Variants in WNK2 observed in about 807,000 individuals in gnomAD.
WNK2 encodes the protein WNK lysine deficient protein kinase 2.
WNK2 carries 67 observed loss-of-function variants against 192.1 expected under a neutral mutation model. The ratio of observed to expected loss-of-function variants is 0.35; its 90% CI spans 0.29 to 0.43. WNK2 has a LOEUF of 0.43. WNK2 is among the 20% of genes least tolerant of loss of function. WNK2 has a pLI of 1.00. For synonymous variants in WNK2, 1,439 were observed against 1,393.9 expected (o/e 1.03, Z -0.72); for missense variants, 2,698 against 3,089.7 (o/e 0.87, Z 3.01).
rs976175425 is a variant in WNK2 at position 93,239,145 on chromosome 9, C to T, written c.1323-612C>T. Among the ~76,000 whole-genome samples the T allele has an allele frequency of 1.3e-5, 2 of 152,234 alleles. No individual in the cohort carries two copies. Among genetic ancestry groups the T allele is most frequent in the Admixed American group, 6.5e-5 (1 of 15,284 alleles). On this transcript the variant is annotated intron_variant, in intron 6 of 29. Coordinates refer to ENST00000427277, the MANE Select transcript of WNK2 (RefSeq NM_006648.4). This position sits in a 1 kb window ranked among gnomAD's most constrained non-coding sequence, Gnocchi z 4.2. The stretch of plus-strand genomic sequence containing the variant: ...AGCCCCGAAGTGGTCACCATGGCAA[C>T]ACCCTGTGGCCCGCCCTCCCGGATC...
In WNK2 at chr9:93,292,321, C is replaced by T; in HGVS notation, c.4950C>T (p.Pro1650=). 1 of 1,613,918 alleles carries T rather than the reference C, an allele frequency of 6.2e-7. No individual in the cohort carries two copies. The highest frequency in any genetic ancestry group is 8.5e-7 in the Non-Finnish European group (1 of 1,179,886). Reference sequence around the variant, plus strand: ...ATGTTCCCATAGCAGAGTCGTCTCCCAGGAGTATGCTAGGCTATGACAGAG... The same window carrying T: ...ATGTTCCCATAGCAGAGTCGTCTCCTAGGAGTATGCTAGGCTATGACAGAG... ...TSSSMTAESS[P]RSMLGYDRDG... The change falls in exon 22 of 30, where the codon CCC becomes CCT. Residue 1650 remains proline (P), a synonymous_variant. Transcript: ENST00000427277.
At position 93,238,456 on chromosome 9, in the gene WNK2, G is replaced by A. The variant is rs558134589; in HGVS notation, c.1322+135G>A. On this transcript the variant is annotated intron_variant, in intron 6 of 29. Coordinates refer to ENST00000427277, the MANE Select transcript of WNK2 (RefSeq NM_006648.4). ...AGGCCAGGGTGTCTGGGGCACGTTAGCAGGGGCTGGTGAGCATGTCGGCCC... is the reference window on the plus strand; with the variant it reads ...AGGCCAGGGTGTCTGGGGCACGTTAACAGGGGCTGGTGAGCATGTCGGCCC... The A allele has an allele frequency of 5.8e-5, 47 of 808,700 alleles. 1 individual carries two copies. In the South Asian group the frequency reaches 7.2e-4, roughly 12 times the overall value. The allele number at this position is 808,700 out of a possible 1,614,324, so 50.1% of individuals were successfully genotyped here. A position where few individuals can be genotyped will look rare whatever the true frequency, so the allele number is the denominator to read the frequency against.
At chr9:93,251,531 G>A (rs1023211743) in intron 8 of WNK2, among the ~76,000 whole-genome samples, 5 of 152,260 alleles carry the variant, frequency 3.3e-5, no homozygotes, top group South Asian at 4.2e-4. Flanking sequence ...GCAACGTGGC[G>A]AAACCTCATC....
intron 2 of WNK2, among the ~76,000 whole-genome samples, chr9:93,218,668 G>A (rs569912342): frequency 2.6e-4 from 40 of 152,304 alleles, no homozygotes; most frequent in South Asian, 8.3e-4. Flanking sequence ...TAACATCAGT[G>A]TTCCCTTGAG....
At position 93,301,126 on chromosome 9, in the gene WNK2, TG is replaced by T. The variant is rs1313373334; in HGVS notation, c.6214+981del. Among the ~76,000 whole-genome samples, 3 of 152,362 alleles carry T rather than the reference TG, an allele frequency of 2.0e-5. No homozygotes were observed. In the East Asian group the frequency reaches 5.8e-4, roughly 29 times the overall value. Reference sequence around the variant, plus strand: ...ATCTCCAGGGAAGGCTCTGCCTGCTTGGGGCCATCCCAAAGCACGCAGTTTG... The same window carrying T: ...ATCTCCAGGGAAGGCTCTGCCTGCTTGGGCCATCCCAAAGCACGCAGTTTG... On this transcript the variant is annotated intron_variant, in intron 26 of 29. Transcript: ENST00000427277.
intron 28 of WNK2, chr9:93,315,904 A>ATG (rs1235596103): frequency 6.8e-6 from 1 of 147,794 alleles, no homozygotes; most frequent in Non-Finnish European, 1.5e-5. Flanking sequence ...AAAAATTTTA[A>ATG]TTTTTTTTTT....
At chr9:93,237,777 G>A (rs377224407) in intron 5 of WNK2, among the ~76,000 whole-genome samples, 1 of 152,278 alleles carries the variant, frequency 6.6e-6, no homozygotes, top group African/African-American at 2.4e-5. Flanking sequence ...CGGCCCTGTG[G>A]CATTGACAAT....
In WNK2 at chr9:93,290,818, G is replaced by A. The variant is rs1849233912; in HGVS notation, c.4936+771G>A. Reference sequence around the variant, plus strand: ...GGCTCTTGGCTGCCACTGCGTCTCTGTGGAAACACCTTTGCTTTGCTTCTC... The same window carrying A: ...GGCTCTTGGCTGCCACTGCGTCTCTATGGAAACACCTTTGCTTTGCTTCTC... On this transcript the variant is annotated intron_variant, in intron 21 of 29. Coordinates refer to ENST00000427277, the MANE Select transcript of WNK2 (RefSeq NM_006648.4). Among the ~76,000 whole-genome samples, 7 of 152,236 alleles carry A rather than the reference G, an allele frequency of 4.6e-5. No individual in the cohort carries two copies. The South Asian group carries it at 1.4e-3, about 32-fold the overall frequency.
At position 93,240,445 on chromosome 9, in the gene WNK2, G is replaced by T. The variant is rs574026553; in HGVS notation, c.1542+469G>T. On this transcript the variant is annotated intron_variant, in intron 7 of 29. Transcript: ENST00000427277. ...CTTTTCCACCTAGAAAGGCGGGTTG[G>T]GGGTACCTTTCCGCCTCTTCTCTTC... is the stretch of plus-strand genomic sequence containing the variant. 7.9e-5 allele frequency among the ~76,000 whole-genome samples: 12 copies of T among 152,286 alleles called. No individual in the cohort carries two copies. The South Asian group carries it at 1.7e-3, about 21-fold the overall frequency.
chr9:93,231,787 C>T (rs575882631), intron 4 of WNK2, among the ~76,000 whole-genome samples: 1 of 152,322 alleles, frequency 6.6e-6, no homozygotes, highest in East Asian at 1.9e-4. Context: ...GGCGAGATGC[C>T]GTCGCCCCTA....
rs1848976565 is a variant in WNK2 at position 93,289,477 on chromosome 9, C to A, written c.4723C>A (p.Pro1575Thr). The change falls in exon 20 of 30, where the codon CCT becomes ACT. Residue 1575 changes from proline to threonine, a missense_variant. Coordinates refer to ENST00000427277, the MANE Select transcript of WNK2 (RefSeq NM_006648.4). ...VPTSSASAGTPVEVGDRDFTL... is the reference protein window; with the variant it reads ...VPTSSASAGTTVEVGDRDFTL... ...CACCTCCTCAGCCTCAGCTGGGACC[C>A]CTGTGGAGGTGGGCGACAGAGACTT... 1 of 1,611,446 alleles carries A rather than the reference C, an allele frequency of 6.2e-7. No homozygotes were observed. The highest frequency in any genetic ancestry group is 1.3e-5 in the African/African-American group (1 of 75,038).
intron 2 of WNK2, among the ~76,000 whole-genome samples, chr9:93,222,982 G>A (rs186963373): frequency 1.9e-4 from 29 of 152,282 alleles, no homozygotes; most frequent in Non-Finnish European, 3.2e-4. Flanking sequence ...GTGCCCAGCC[G>A]TGATGTTCTT....
chr9:93,187,693 G>A (rs1477548001), intron 2 of WNK2, among the ~76,000 whole-genome samples: 1 of 152,198 alleles, frequency 6.6e-6, no homozygotes, highest in Non-Finnish European at 1.5e-5. Context: ...GGCATTGTGG[G>A]ATCAGGGGAG....
At chr9:93,275,193 C>CTAAA (rs1260488420) in intron 19 of WNK2, among the ~76,000 whole-genome samples, 1 of 152,184 alleles carries the variant, frequency 6.6e-6, no homozygotes, top group African/African-American at 2.4e-5. Context: ...AATCAGTTGA[C>CTAAA]TAAATACAAC....
In WNK2 at chr9:93,289,332, G is replaced by A; in HGVS notation, c.4578G>A (p.Gln1526=). 6.2e-7 allele frequency: 1 copy of A among 1,604,010 alleles called. No individual in the cohort carries two copies. Among genetic ancestry groups the A allele is most frequent in the Non-Finnish European group, 8.5e-7 (1 of 1,175,646 alleles). The change falls in exon 20 of 30, where the codon CAG becomes CAA. Residue 1526 remains glutamine, a synonymous_variant. Coordinates refer to ENST00000427277, the MANE Select transcript of WNK2 (RefSeq NM_006648.4). ...CCCTGGGGCCCACCGTCCCCCCACA[G>A]CCACCCTCGGCCCTGGAGTCGGATG... ...SPPLGPTVPP[Q]PPSALESDGE...
chr9:93,239,614 A>C lies in WNK2; in HGVS notation c.1323-143A>C, dbSNP rs571446453. On this transcript the variant is annotated intron_variant, in intron 6 of 29. Coordinates refer to ENST00000427277, the MANE Select transcript of WNK2 (RefSeq NM_006648.4). The surrounding 1 kb of genome is among the most constrained non-coding windows in gnomAD (Gnocchi z 4.2). ...CTGGATTCACTGAAATCTTTTCTTT[A>C]CCCCTGGGAGTGCTGAGACATGAGG... 1.7e-4 allele frequency: 112 copies of C among 641,136 alleles called. No homozygotes were observed. Among genetic ancestry groups the C allele is most frequent in the Middle Eastern group, 1.7e-3 (4 of 2,290 alleles). 39.7% of individuals were successfully genotyped at this position (641,136 alleles called of 1,614,324 possible).
intron 27 of WNK2, chr9:93,307,127 G>T: frequency 2.2e-6 from 1 of 459,768 alleles, no homozygotes; most frequent in Non-Finnish European, 4.0e-6. Flanking sequence ...TTCCAAAACC[G>T]TAGGAATGAG....
intron 2 of WNK2, among the ~76,000 whole-genome samples, chr9:93,216,966 C>CCT (rs539088492): frequency 6.8e-6 from 1 of 147,092 alleles, no homozygotes; most frequent in Non-Finnish European, 1.5e-5. Context: ...TCAAAAAAAT[C>CCT]TTTTTTTTTT....
intron 8 of WNK2, among the ~76,000 whole-genome samples, chr9:93,248,357 A>T (rs1842078891): frequency 6.6e-6 from 1 of 152,264 alleles, no homozygotes; most frequent in South Asian, 2.1e-4. Context: ...TTCTCAGGAC[A>T]GATGGGGACA....
Sources: gnomAD v4.1 joint callset for allele counts (sites outside exome capture counted in the v4.1 genomes callset) on GRCh38, gnomAD v4.1.1 for gene constraint, Gnocchi (gnomAD v3.1) non-coding constraint, MANE v1.5 for transcripts, NCBI Gene and HGNC (gene_info 2026-07-23, HGNC 2026-07-21) for gene names.